Variants in ZNF254 observed in about 807,000 individuals in gnomAD.
ZNF254 encodes the protein CTD-2017D11.1.
ZNF254 carries 10 observed loss-of-function variants against 12.4 expected under a neutral mutation model. That is an observed-to-expected ratio of 0.80 (90% CI 0.50 to 1.36). ZNF254 has a LOEUF of 1.36. Ranked by LOEUF, ZNF254 falls within the 40% of genes most tolerant of loss-of-function variation. The pLI is 0.00. For synonymous variants in ZNF254, 305 were observed against 253.4 expected, an observed-to-expected ratio of 1.20 and a Z score of -1.93; for missense variants, 996 against 763.9, an observed-to-expected ratio of 1.30 and a Z score of -3.58.
intron 3 of ZNF254, among the ~76,000 whole-genome samples, chr19:24,118,788 T>G (rs543803429): frequency 1.3e-4 from 20 of 152,204 alleles, no homozygotes; most frequent in Admixed American, 1.0e-3. Context: ...ATTATTGTCA[T>G]GTGTTTCCCC....
Position 24,122,307 on chromosome 19 carries a change from C to A in ZNF254, c.254-3947C>A, listed in dbSNP as rs368131223. On this transcript the variant is annotated intron_variant, in intron 3 of 3. Transcript: ENST00000357002. ...TGGCACCATCTCAGCTCAGTGCAAC[C>A]TCCACCTCCTAGGTTCAATTGATTC... Among the ~76,000 whole-genome samples, 26 of 152,220 alleles carry A rather than the reference C, an allele frequency of 1.7e-4. No individual in the cohort carries two copies. The South Asian group carries it at 3.9e-3, about 23-fold the overall frequency.
chr19:24,070,995 T>C (rs1211286012), intron 2 of ZNF254, among the ~76,000 whole-genome samples: 2 of 152,198 alleles, frequency 1.3e-5, no homozygotes, highest in African/African-American at 4.8e-5. Flanking sequence ...GCCATATTTC[T>C]GAACCCGTCA....
chr19:24,089,933 G>A (rs1410825647), intron 1 of ZNF254, among the ~76,000 whole-genome samples: 4 of 151,318 alleles, frequency 2.6e-5, no homozygotes, highest in Non-Finnish European at 5.9e-5. Context: ...GCTCATGCCT[G>A]TAATCCCTAC....
At position 24,087,318 on chromosome 19, in the gene ZNF254, C is replaced by A. The variant is rs1354606639; in HGVS notation, c.11C>A (p.Pro4His). 6.2e-7 allele frequency: 1 copy of A among 1,613,712 alleles called. No individual in the cohort carries two copies. The highest frequency in any genetic ancestry group is 8.5e-7 in the Non-Finnish European group (1 of 1,179,784). MPG[P>H]PRSLEMGLLT... is the part of the protein sequence containing the mutation. ...AGATCCACAGCTAAGATGCCAGGAC[C>A]CCCTAGAAGCCTAGAAATGGTGAGA... Residue 4 changes from proline (P) to histidine (H), a missense_variant, in exon 1 of 4, where the codon CCC (proline) becomes CAC (histidine). Pro to His is a moderately conservative substitution (Grantham distance 77). Coordinates refer to ENST00000357002, the MANE Select transcript of ZNF254 (RefSeq NM_203282.4).
At chr19:24,100,236 G>A (rs1972929093) in intron 1 of ZNF254, among the ~76,000 whole-genome samples, 1 of 151,854 alleles carries the variant, frequency 6.6e-6, no homozygotes, top group Admixed American at 6.6e-5. Flanking sequence ...GAGTAACAGT[G>A]TGCATTGAGT....
intron 2 of ZNF254, among the ~76,000 whole-genome samples, chr19:24,061,867 T>A (rs2145413138): frequency 6.6e-6 from 1 of 152,208 alleles, no homozygotes; most frequent in South Asian, 2.1e-4. Context: ...ACGGATCACC[T>A]GATGTCGGGA....
intron 1 of ZNF254, chr19:24,098,924 A>T (rs1221613452): frequency 7.4e-6 from 1 of 135,030 alleles, no homozygotes; most frequent in Non-Finnish European, 1.6e-5. Context: ...CTTTACCATT[A>T]TTGTGAAGGT....
chr19:24,095,460 T>C (rs560629811), intron 1 of ZNF254, among the ~76,000 whole-genome samples: 28 of 152,320 alleles, frequency 1.8e-4, no homozygotes, highest in African/African-American at 6.5e-4. Flanking sequence ...GTAGAAATAA[T>C]AATCAGCACT....
chr19:24,060,510 A>G (rs1452168603), intron 2 of ZNF254, among the ~76,000 whole-genome samples: 2 of 152,106 alleles, frequency 1.3e-5, no homozygotes, highest in Non-Finnish European at 2.9e-5. Flanking sequence ...CCCATCAACT[A>G]TTTGATGTGA....
chr19:24,098,767 C>T (rs561378424), intron 1 of ZNF254: 1 of 152,012 alleles, frequency 6.6e-6, no homozygotes, highest in Non-Finnish European at 1.5e-5. Flanking sequence ...TTTAGAAGCC[C>T]TATTGGTATC....
rs1329506027 is a variant in ZNF254 at position 24,127,236 on chromosome 19, C to T, written c.1236C>T (p.Gly412=). The T allele has an allele frequency of 6.2e-7, 1 of 1,612,676 alleles. No homozygotes were observed. Among genetic ancestry groups the T allele is most frequent in the Non-Finnish European group, 8.5e-7 (1 of 1,179,540 alleles). ...AACTCTACAAATGTGAAGAATGCGG[C>T]AAAGGTTTTAATCGATCTTCAAATC... ...GEKLYKCEEC[G]KGFNRSSNLT... is the part of the protein sequence containing the mutation. Residue 412 remains glycine, a synonymous_variant, in exon 4 of 4, where the codon GGC becomes GGT. Coordinates refer to ENST00000357002, the MANE Select transcript of ZNF254 (RefSeq NM_203282.4).
chr19:24,109,900 T>G (rs1323669285), intron 3 of ZNF254, among the ~76,000 whole-genome samples: 1 of 151,690 alleles, frequency 6.6e-6, no homozygotes, highest in Admixed American at 6.6e-5. Context: ...TTTGTATTTT[T>G]TTTTTTTTTA....
At chr19:24,088,895 G>A (rs190325822) in intron 1 of ZNF254, among the ~76,000 whole-genome samples, 2 of 150,684 alleles carry the variant, frequency 1.3e-5, no homozygotes, top group Admixed American at 6.6e-5. Context: ...AGCCTCAAGC[G>A]ATCCGCCTGC....
At chr19:24,044,549 T>A (rs9305013) in intron 1 of ZNF254, among the ~76,000 whole-genome samples, 3,681 of 70,346 alleles carry the variant, frequency 0.052, 101 homozygotes, top group African/African-American at 0.22. Context: ...AAAAAAAAAA[T>A]AAATAAATAA....
chr19:24,119,310 G>T (rs766515339), intron 3 of ZNF254, among the ~76,000 whole-genome samples: 3 of 151,822 alleles, frequency 2.0e-5, no homozygotes, highest in Admixed American at 6.6e-5. Context: ...TCCTGTCTCA[G>T]CCTCCCAAGC....
intron 1 of ZNF254, among the ~76,000 whole-genome samples, chr19:24,039,910 G>A (rs1486929195): frequency 6.6e-6 from 1 of 152,130 alleles, no homozygotes; most frequent in Non-Finnish European, 1.5e-5. Flanking sequence ...GTTAAGAATC[G>A]TTTCTAATAT....
chr19:24,065,821 C>T (rs558793134), intron 2 of ZNF254: 2 of 152,294 alleles, frequency 1.3e-5, no homozygotes, highest in South Asian at 4.1e-4. Flanking sequence ...TCACATTAGA[C>T]ATTGTTAAAT....
At chr19:24,076,426 T>G (rs1387232575) in intron 2 of ZNF254, among the ~76,000 whole-genome samples, 2 of 152,194 alleles carry the variant, frequency 1.3e-5, no homozygotes, top group African/African-American at 2.4e-5. Flanking sequence ...GACTCCTCTA[T>G]TCTGGCTGCA....
chr19:24,048,201 G>A (rs999986064), intron 2 of ZNF254, among the ~76,000 whole-genome samples: 3 of 151,880 alleles, frequency 2.0e-5, no homozygotes, highest in Non-Finnish European at 4.4e-5. Flanking sequence ...ACTTGTGGCC[G>A]CTGGCCACAC....
Sources: gnomAD v4.1 joint callset for allele counts (sites outside exome capture counted in the v4.1 genomes callset) on GRCh38, gnomAD v4.1.1 for gene constraint, MANE v1.5 for transcripts, NCBI Gene and HGNC (gene_info 2026-07-23, HGNC 2026-07-21) for gene names.